Variants in THAP6 observed in about 807,000 individuals in gnomAD.
THAP6 encodes THAP domain containing 6.
Under a neutral mutation model 20.0 loss-of-function variants are expected in THAP6, and 13 were observed. The observed-to-expected ratio is 0.65, with a 90% confidence interval of 0.42 to 1.03. The LOEUF (loss-of-function observed/expected upper bound fraction) is 1.03. Ranked by LOEUF, THAP6 falls within the 50% of genes least tolerant of loss-of-function variation. The pLI is 0.00. For synonymous variants in THAP6, 93 were observed against 92.2 expected (o/e 1.01, Z -0.05); for missense variants, 262 against 261.6 (o/e 1.00, Z -0.01).
intron 3 of THAP6, among the ~76,000 whole-genome samples, chr4:75,518,858 G>C (rs1036290052): frequency 1.4e-4 from 22 of 152,200 alleles, no homozygotes; most frequent in Non-Finnish European, 3.1e-4. Context: ...TTGTGCTGCA[G>C]ATCTATGGAT....
At chr4:75,517,743 GA>G in intron 3 of THAP6, 1 of 152,336 alleles carries the variant, frequency 6.6e-6, no homozygotes, top group Non-Finnish European at 1.5e-5. Context: ...AACAGGAGAA[GA>G]AAAGGTCAGG....
Position 75,540,293 on chromosome 4 carries a change from C to A in THAP6, c.166-2116C>A, listed in dbSNP as rs1726969070. Reference sequence around the variant, plus strand: ...TTTTTCAGTCAGAATGTTTTCTGAGCAAGACTTCCTTAGTAAATGAAATCA... The same window carrying A: ...TTTTTCAGTCAGAATGTTTTCTGAGAAAGACTTCCTTAGTAAATGAAATCA... On this transcript the variant is annotated intron_variant, in intron 2 of 4. Coordinates refer to the THAP6 transcript ENST00000502620. Among the ~76,000 whole-genome samples, 6 of 152,048 alleles carry A rather than the reference C, an allele frequency of 3.9e-5. No individual in the cohort carries two copies. In the South Asian group the frequency reaches 1.2e-3, roughly 32 times the overall value.
intron 2 of THAP6, among the ~76,000 whole-genome samples, chr4:75,535,474 T>C (rs1726823284): frequency 6.6e-6 from 1 of 152,150 alleles, no homozygotes; most frequent in Non-Finnish European, 1.5e-5. Context: ...TACCTCAGAG[T>C]TCATCATCTT....
rs1330311066 is a variant in THAP6 at position 75,529,476 on chromosome 4, C to G, written c.*2262C>G. On this transcript the variant is annotated 3_prime_UTR_variant, in exon 5 of 5. Coordinates refer to ENST00000311638, the MANE Select transcript of THAP6 (RefSeq NM_144721.6). Reference sequence around the variant, plus strand: ...GCAAAATATTGGTATCATTAAGGACCCAGAGCTGCCCATTTTCTCTTTGTT... The same window carrying G: ...GCAAAATATTGGTATCATTAAGGACGCAGAGCTGCCCATTTTCTCTTTGTT... The G allele has an allele frequency of 1.0e-6, 1 of 985,360 alleles. No individual in the cohort carries two copies. Among genetic ancestry groups the G allele is most frequent in the South Asian group, 4.7e-5 (1 of 21,280 alleles). The allele number at this position is 985,360 out of a possible 1,614,324, so 61.0% of individuals were successfully genotyped here. A position where few individuals can be genotyped will look rare whatever the true frequency, so the allele number is the denominator to read the frequency against.
chr4:75,545,461 CA>C (rs1245241899), intron 3 of THAP6, among the ~76,000 whole-genome samples: 2 of 152,152 alleles, frequency 1.3e-5, no homozygotes, highest in Non-Finnish European at 2.9e-5. Flanking sequence ...GGAGAAATCC[CA>C]GCAGAAGATG....
At chr4:75,519,258 A>C (rs567151424) in intron 3 of THAP6, among the ~76,000 whole-genome samples, 1 of 151,128 alleles carries the variant, frequency 6.6e-6, no homozygotes, top group East Asian at 1.9e-4. Flanking sequence ...CTATTGATAA[A>C]TGTTTGGGTA....
In THAP6 at chr4:75,515,477, G is replaced by C; in HGVS notation, c.25G>C (p.Gly9Arg). 1 of 1,614,006 alleles carries C rather than the reference G, an allele frequency of 6.2e-7. No individual in the cohort carries two copies. ...AATGGTGAAATGCTGCTCCGCCATT[G>C]GATGTGCTTCTCGCTGCTTGCCAAA... The part of the protein sequence containing the change: MVKCCSAI[G>R]CASRCLPNSK... Residue 9 changes from glycine (G) to arginine (R), a missense_variant, in exon 2 of 5, where the codon GGA (glycine) becomes CGA (arginine). Gly to Arg is a moderately radical substitution (Grantham distance 125). Coordinates refer to ENST00000311638, the MANE Select transcript of THAP6 (RefSeq NM_144721.6).
chr4:75,545,847 C>G (rs1727116509), intron 3 of THAP6, among the ~76,000 whole-genome samples: 1 of 152,172 alleles, frequency 6.6e-6, no homozygotes, highest in Non-Finnish European at 1.5e-5. Flanking sequence ...TTTCTCTGAG[C>G]AGAACTTGAA....
chr4:75,532,505 G>A (rs1022756563), downstream of THAP6, among the ~76,000 whole-genome samples: 1 of 152,158 alleles, frequency 6.6e-6, no homozygotes, highest in Non-Finnish European at 1.5e-5. Flanking sequence ...TCTGGAGGAC[G>A]TTGGTCCTCT....
rs201627689 is a variant in THAP6, at chr4:75,516,834, A to G, written c.143A>G (p.Asn48Ser). Residue 48 changes from asparagine (N) to serine (S), a missense_variant, in exon 3 of 5, where the codon AAT (asparagine) becomes AGT (serine). Transcript: ENST00000311638. Reference protein sequence around the residue: ...WVLAMKRLDVNAAGIWEPKKG... With the variant: ...WVLAMKRLDVSAAGIWEPKKG... ...TTAGCAATGAAAAGACTTGATGTGA[A>G]TGCAGCCGGCATTTGGGAGCCTAAA... is the stretch of plus-strand genomic sequence containing the variant. The G allele has an allele frequency of 2.8e-5, 45 of 1,614,018 alleles. No individual in the cohort carries two copies. The highest frequency in any genetic ancestry group is 1.6e-4 in the Middle Eastern group (1 of 6,084).
downstream of THAP6, among the ~76,000 whole-genome samples, chr4:75,530,780 C>T (rs566830970): frequency 2.0e-5 from 3 of 152,320 alleles, no homozygotes; most frequent in East Asian, 5.8e-4. Context: ...TTAATCTGCT[C>T]TAACAAAGAT....
chr4:75,524,159 T>C (rs998005074), intron 4 of THAP6, among the ~76,000 whole-genome samples: 1 of 152,236 alleles, frequency 6.6e-6, no homozygotes, highest in East Asian at 1.9e-4. Flanking sequence ...CTTTAACTTA[T>C]CACAGGCTAT....
intron 3 of THAP6, among the ~76,000 whole-genome samples, chr4:75,519,477 C>A (rs142794421): frequency 1.4e-5 from 2 of 145,870 alleles, no homozygotes; most frequent in African/African-American, 2.6e-5. Flanking sequence ...ATCCTTCCCC[C>A]CTCCCCCGAC....
upstream of THAP6, chr4:75,514,367 C>T: frequency 6.8e-7 from 1 of 1,468,622 alleles, no homozygotes; most frequent in Non-Finnish European, 9.2e-7. Context: ...CTCTCTAGCA[C>T]ACCCCTCCCA....
intron 1 of THAP6, 42 bp from the exon 2 acceptor site, chr4:75,515,391 G>T: frequency 6.4e-7 from 1 of 1,561,430 alleles, no homozygotes; most frequent in Non-Finnish European, 8.8e-7. Flanking sequence ...TTCCCCTTCA[G>T]CTTTCCGGTT....
rs1425969645 is a variant in THAP6, at chr4:75,515,433, T to C, written c.-20T>C. The C allele has an allele frequency of 1.2e-6, 2 of 1,611,246 alleles. No homozygotes were observed. Among genetic ancestry groups the C allele is most frequent in the African/African-American group, 2.7e-5 (2 of 75,008 alleles). ...TCTTAACATTCTAATTTTCTTTCAG[T>C]TTTGTTATGAGTTGCTAAAATGGTG... On this transcript the variant is annotated splice_region_variant and 5_prime_UTR_variant, in exon 2 of 5. Coordinates refer to ENST00000311638, the MANE Select transcript of THAP6 (RefSeq NM_144721.6).
chr4:75,516,884 C>T lies in THAP6; in HGVS notation c.193C>T (p.His65Tyr). Residue 65 changes from histidine to tyrosine, a missense_variant, in exon 3 of 5, where the codon CAC (histidine) becomes TAC (tyrosine). Transcript: ENST00000311638. ...PKKGDVLCSR[H>Y]FKKTDFDRSA... Reference sequence around the variant, plus strand: ...AAAAGGAGATGTGTTGTGTTCGAGGCACTTTAAGAAGACAGATTTTGACAG... The same window carrying T: ...AAAAGGAGATGTGTTGTGTTCGAGGTACTTTAAGAAGACAGATTTTGACAG... 1 of 1,614,042 alleles carries T rather than the reference C, an allele frequency of 6.2e-7. No homozygotes were observed. Among genetic ancestry groups the T allele is most frequent in the South Asian group, 1.1e-5 (1 of 91,078 alleles).
chr4:75,515,409 CTT>C (rs769390212), intron 1 of THAP6, 22 bp from the exon 2 acceptor site: 2 of 1,601,086 alleles, frequency 1.2e-6, no homozygotes, highest in South Asian at 2.2e-5. Flanking sequence ...GTTACTAACT[CTT>C]AACATTCTAA....
At chr4:75,523,953 G>T (rs1345656172) in intron 4 of THAP6, among the ~76,000 whole-genome samples, 1 of 152,116 alleles carries the variant, frequency 6.6e-6, no homozygotes, top group Non-Finnish European at 1.5e-5. Context: ...ATTGTAAGAA[G>T]TAGGGGTCTA....
Sources: gnomAD v4.1 joint callset for allele counts (sites outside exome capture counted in the v4.1 genomes callset) on GRCh38, gnomAD v4.1.1 for gene constraint, MANE v1.5 for transcripts, NCBI Gene and HGNC (gene_info 2026-07-23, HGNC 2026-07-21) for gene names.